ECPAS: variants seen among roughly 807,000 people sequenced by gnomAD.
ECPAS encodes Ecm29 proteasome adaptor and scaffold.
ECPAS carries 70 observed loss-of-function variants against 255.1 expected under a neutral mutation model. The observed-to-expected ratio is 0.27, with a 90% CI of 0.23 to 0.33. ECPAS has a LOEUF of 0.33. Ranked by LOEUF, ECPAS falls within the 10% of genes least tolerant of loss-of-function variation. The pLI is 1.00. For synonymous variants in ECPAS, 784 were observed against 775.0 expected, an observed-to-expected ratio of 1.01 and a Z score of -0.19; for missense variants, 1,817 against 2,206.4, an observed-to-expected ratio of 0.82 and a Z score of 3.54.
intron 1 of ECPAS, among the ~76,000 whole-genome samples, chr9:111,476,000 A>G (rs1373537210): frequency 6.6e-6 from 1 of 152,104 alleles, no homozygotes; most frequent in Non-Finnish European, 1.5e-5. Flanking sequence ...CCCAAATCTC[A>G]TCCTCTAAAA....
At chr9:111,466,662 T>A (rs887621391) in intron 2 of ECPAS, among the ~76,000 whole-genome samples, 2 of 145,348 alleles carry the variant, frequency 1.4e-5, no homozygotes, top group Non-Finnish European at 3.0e-5. Context: ...CACACGTTTT[T>A]ATTTTGGAGA....
At chr9:111,394,542 A>G (rs1014833231) in intron 25 of ECPAS, among the ~76,000 whole-genome samples, 1 of 152,218 alleles carries the variant, frequency 6.6e-6, no homozygotes, top group Non-Finnish European at 1.5e-5. Flanking sequence ...ATGAAAACTT[A>G]TCCCTAATCT....
rs1214412940 is a variant in ECPAS at position 111,373,042 on chromosome 9, A to G, written c.4336+128T>C. The G allele has an allele frequency of 2.7e-5, 23 of 854,310 alleles. No homozygotes were observed. In the East Asian group the frequency reaches 5.1e-4, roughly 19 times the overall value. 52.9% of individuals were successfully genotyped at this position (854,310 alleles called of 1,614,324 possible). A position where few individuals can be genotyped will look rare whatever the true frequency, so the allele number is the denominator to read the frequency against. ...GCCAGACACCATCTCAAAAAAAAAG[A>G]AAAGAAAAGAAACAAATGTTTCTAG... On this transcript the variant is annotated intron_variant, in intron 41 of 49. Coordinates refer to ENST00000684092, the MANE Select transcript of ECPAS (RefSeq NM_001364929.1).
At chr9:111,385,060 G>A (rs1441884493) in intron 33 of ECPAS, among the ~76,000 whole-genome samples, 1 of 152,080 alleles carries the variant, frequency 6.6e-6, no homozygotes, top group Non-Finnish European at 1.5e-5. Flanking sequence ...CTGTTACTAT[G>A]TCCAAAACTG....
chr9:111,484,248 G>A lies in ECPAS; in HGVS notation c.-215C>T, dbSNP rs1042331911. The A allele has an allele frequency of 3.4e-6, 5 of 1,470,942 alleles. No individual in the cohort carries two copies. The African/African-American group carries it at 5.9e-5, about 17-fold the overall frequency. The allele number at this position is 1,470,942 out of a possible 1,614,324, so 91.1% of individuals were successfully genotyped here. On this transcript the variant is annotated 5_prime_UTR_variant, in exon 1 of 50. Coordinates refer to ENST00000684092, the MANE Select transcript of ECPAS (RefSeq NM_001364929.1). ...CAGTCCGTGAGGGGCTGGGCCGAGC[G>A]GGCCCGGGCTGCCCTAGCGGCCGGG... is the stretch of plus-strand genomic sequence containing the variant.
chr9:111,456,762 C>T (rs1469015955), intron 2 of ECPAS, among the ~76,000 whole-genome samples: 1 of 152,126 alleles, frequency 6.6e-6, no homozygotes, highest in African/African-American at 2.4e-5. Context: ...ACTCATTCTC[C>T]TATCTAGGTC....
chr9:111,484,364 A>C lies in ECPAS; in HGVS notation c.-331T>G. The C allele has an allele frequency of 6.2e-7, 1 of 1,611,376 alleles. No individual in the cohort carries two copies. Among genetic ancestry groups the C allele is most frequent in the Non-Finnish European group, 8.5e-7 (1 of 1,179,244 alleles). ...CCGACCTGGGGAAACACGCCTGTCC[A>C]AAGGAAGAGACGTGGACTCAGAAAA... On this transcript the variant is annotated 5_prime_UTR_variant, in exon 1 of 50. Transcript: ENST00000684092.
intron 2 of ECPAS, among the ~76,000 whole-genome samples, chr9:111,452,057 T>A (rs2098260952): frequency 6.6e-6 from 1 of 152,080 alleles, no homozygotes; most frequent in Non-Finnish European, 1.5e-5. Context: ...ATGAGAGACA[T>A]ATGTTAAGTG....
Position 111,372,313 on chromosome 9 carries a change from T to C in ECPAS, c.4528+116A>G. 10 of 925,990 alleles carry C rather than the reference T, an allele frequency of 1.1e-5. No homozygotes were observed. The South Asian group carries it at 1.4e-4, about 13-fold the overall frequency. 57.4% of individuals were successfully genotyped at this position (925,990 alleles called of 1,614,324 possible). Reference sequence around the variant, plus strand: ...TGGATGGGTTTAAAACTAAATGGGATGCATATTAAGGTCCTGGGAAAGTAA... The same window carrying C: ...TGGATGGGTTTAAAACTAAATGGGACGCATATTAAGGTCCTGGGAAAGTAA... On this transcript the variant is annotated intron_variant, in intron 42 of 49. Transcript: ENST00000684092.
At chr9:111,449,859 T>C (rs892068162) in intron 3 of ECPAS, among the ~76,000 whole-genome samples, 1 of 152,022 alleles carries the variant, frequency 6.6e-6, no homozygotes, top group Non-Finnish European at 1.5e-5. Flanking sequence ...ACTGTGGCCT[T>C]CTCCAATTTC....
rs1299813734 is a variant in ECPAS at position 111,451,461 on chromosome 9, G to C, written c.117C>G (p.Leu39=). 1.9e-6 allele frequency: 3 copies of C among 1,573,984 alleles called. No homozygotes were observed. The highest frequency in any genetic ancestry group is 2.7e-5 in the African/African-American group (2 of 73,770). The change falls in exon 3 of 50, where the codon CTC becomes CTG. Residue 39 remains leucine (L), a synonymous_variant. Transcript: ENST00000684092. ...IISKFLPPVL[L]KLSSTQEGVR... ...CTCCTTCTTGGGTGCTAGAGAGTTT[G>C]AGCAAAACAGGAGGAAGGAATTTAG...
At chr9:111,476,087 G>A (rs1262477011) in intron 1 of ECPAS, among the ~76,000 whole-genome samples, 1 of 152,204 alleles carries the variant, frequency 6.6e-6, no homozygotes. Context: ...GCCAACTTTT[G>A]CAACTGAAGT....
intron 24 of ECPAS, among the ~76,000 whole-genome samples, chr9:111,407,177 G>A (rs1489391476): frequency 3.4e-5 from 5 of 146,422 alleles, no homozygotes; most frequent in Non-Finnish European, 5.9e-5. Flanking sequence ...CGAGGTGGGC[G>A]GATCACCTGA....
rs770729550 is a variant in ECPAS at position 111,383,310 on chromosome 9, G to A, written c.3704C>T (p.Pro1235Leu). Residue 1235 changes from proline to leucine, a missense_variant, in exon 35 of 50, where the codon CCT becomes CTT. By Grantham distance (98) the Pro-to-Leu change is moderately conservative. Around this residue, in one of 4 missense-constraint regions of ECPAS, gnomAD observed 960 missense variants for 1,179.0 expected, o/e 0.81. Transcript: ENST00000684092. Reference protein sequence around the residue: ...LSKVCVKMCDPAKGAAGQRTI... With the variant: ...LSKVCVKMCDLAKGAAGQRTI... ...TCTCTGGCCAGCTGCTCCTTTGGCA[G>A]GGTCACACATTTTCACACAGACCTC... is the stretch of plus-strand genomic sequence containing the variant. 6.2e-7 allele frequency: 1 copy of A among 1,611,968 alleles called. No individual in the cohort carries two copies. The highest frequency in any genetic ancestry group is 1.7e-5 in the Admixed American group (1 of 59,752).
At chr9:111,443,004 T>C (rs2098247970) in intron 4 of ECPAS, among the ~76,000 whole-genome samples, 2 of 152,168 alleles carry the variant, frequency 1.3e-5, no homozygotes, top group African/African-American at 2.4e-5. Flanking sequence ...TCTGAAACTT[T>C]ATGAGTGCCA....
At position 111,397,163 on chromosome 9, in the gene ECPAS, A is replaced by T. The variant is rs1186423694; in HGVS notation, c.2653-10T>A. 1 of 1,612,918 alleles carries T rather than the reference A, an allele frequency of 6.2e-7. No homozygotes were observed. Among genetic ancestry groups the T allele is most frequent in the Non-Finnish European group, 8.5e-7 (1 of 1,179,436 alleles). On this transcript the variant is annotated splice_polypyrimidine_tract_variant and intron_variant, in intron 24 of 49. Transcript: ENST00000684092. ...GTTCTATCTGCTTGGCCTGCAACGA[A>T]GGAAGTAAAAACCATGAATGAGAAA...
intron 6 of ECPAS, among the ~76,000 whole-genome samples, chr9:111,439,691 G>A (rs1003660412): frequency 6.6e-6 from 1 of 152,178 alleles, no homozygotes; most frequent in Non-Finnish European, 1.5e-5. Flanking sequence ...AAGCGTGCAT[G>A]AAATGCATGA....
chr9:111,394,958 A>G (rs1044976701), intron 25 of ECPAS, among the ~76,000 whole-genome samples: 1 of 152,196 alleles, frequency 6.6e-6, no homozygotes, highest in South Asian at 2.1e-4. Flanking sequence ...GCCCACTCCA[A>G]ATCAGCCTTT....
At chr9:111,375,687 A>C (rs2131529968) in intron 37 of ECPAS, among the ~76,000 whole-genome samples, 1 of 152,290 alleles carries the variant, frequency 6.6e-6, no homozygotes, top group East Asian at 1.9e-4. Flanking sequence ...AATGGTATTC[A>C]CTAACTATTC....
Sources: gnomAD v4.1 joint callset for allele counts (sites outside exome capture counted in the v4.1 genomes callset) on GRCh38, gnomAD v4.1.1 for gene constraint, gnomAD v4.1.1 regional missense constraint, MANE v1.5 for transcripts, NCBI Gene and HGNC (gene_info 2026-07-23, HGNC 2026-07-21) for gene names.